The following ST8SIA6 variants were observed in gnomAD, a reference collection of about 807,000 sequenced individuals.
ST8SIA6 encodes alpha-2,8-sialyltransferase 8F.
In ST8SIA6, 39 loss-of-function variants were observed where a neutral mutation model predicts 33.6. The ratio of observed to expected loss-of-function variants is 1.16; its 90% CI spans 0.90 to 1.52. ST8SIA6 has a LOEUF of 1.52. ST8SIA6 is among the 40% of genes most tolerant of loss of function. ST8SIA6 has a pLI of 0.00. For synonymous variants in ST8SIA6, 172 were observed against 167.2 expected, an observed-to-expected ratio of 1.03 and a Z score of -0.22; for missense variants, 441 against 443.8, an observed-to-expected ratio of 0.99 and a Z score of 0.06.
rs142395296 is a variant in ST8SIA6, at chr10:17,338,257, C to T, written c.378-6705G>A. Among the ~76,000 whole-genome samples, 141 of 152,302 alleles carry T rather than the reference C, an allele frequency of 9.3e-4. No individual in the cohort carries two copies. In the East Asian group the frequency reaches 0.023, roughly 25 times the overall value. On this transcript the variant is annotated intron_variant, in intron 4 of 7. Coordinates refer to ENST00000377602, the MANE Select transcript of ST8SIA6 (RefSeq NM_001004470.3). Reference sequence around the variant, plus strand: ...CCATGTTGGTCAGGCTGGTCTTGAACTCCCGACCTCAGTGATCCGCTCGCC... The same window carrying T: ...CCATGTTGGTCAGGCTGGTCTTGAATTCCCGACCTCAGTGATCCGCTCGCC...
intron 3 of ST8SIA6, among the ~76,000 whole-genome samples, chr10:17,364,063 T>G (rs61842071): frequency 0.22 from 27,498 of 123,012 alleles, 2,625 homozygotes; most frequent in South Asian, 0.28. Context: ...TACCAAAATT[T>G]TGTGCAAATG....
rs539536147 is a variant in ST8SIA6, at chr10:17,334,297, T to C, written c.378-2745A>G. ...GCTCACGCCTGTAATCCCAGCACTT[T>C]GGGAGGCCGAGGCGGGCGGATCACG... On this transcript the variant is annotated intron_variant, in intron 4 of 7. Transcript: ENST00000377602. Among the ~76,000 whole-genome samples, 4 of 151,610 alleles carry C rather than the reference T, an allele frequency of 2.6e-5. No individual in the cohort carries two copies. In the South Asian group the frequency reaches 6.3e-4, roughly 24 times the overall value.
chr10:17,401,088 G>A (rs1343510247), intron 2 of ST8SIA6, among the ~76,000 whole-genome samples: 3 of 152,048 alleles, frequency 2.0e-5, no homozygotes, highest in Non-Finnish European at 2.9e-5. Context: ...AAAGTCTCAG[G>A]ATACAAAATC....
chr10:17,453,456 C>T, intron 2 of ST8SIA6, 103 bp downstream of exon 2: 1 of 909,014 alleles, frequency 1.1e-6, no homozygotes, highest in Non-Finnish European at 1.5e-6. Flanking sequence ...CTCGCGCCGT[C>T]CCAGCCTGCC....
At chr10:17,440,877 C>T (rs1852463527) in intron 2 of ST8SIA6, among the ~76,000 whole-genome samples, 2 of 152,150 alleles carry the variant, frequency 1.3e-5, no homozygotes, top group African/African-American at 4.8e-5. Flanking sequence ...AACATTTTGT[C>T]ACATGCTTAT....
At chr10:17,445,592 C>G (rs182819829) in intron 2 of ST8SIA6, among the ~76,000 whole-genome samples, 1 of 152,336 alleles carries the variant, frequency 6.6e-6, no homozygotes, top group Non-Finnish European at 1.5e-5. Context: ...TTCTCCCACA[C>G]AGGAAGGGAT....
chr10:17,334,551 A>AATTATT (rs139518760), intron 4 of ST8SIA6, among the ~76,000 whole-genome samples: 66,741 of 142,326 alleles, frequency 0.47, 16,173 homozygotes, highest in East Asian at 0.86. Context: ...AAAAAAAAAA[A>AATTATT]ATTATTATTA....
chr10:17,423,181 A>C (rs2131710200), intron 2 of ST8SIA6, among the ~76,000 whole-genome samples: 1 of 152,354 alleles, frequency 6.6e-6, no homozygotes, highest in East Asian at 1.9e-4. Flanking sequence ...CACCAGAAAC[A>C]GCAGCTATCC....
intron 2 of ST8SIA6, among the ~76,000 whole-genome samples, chr10:17,416,180 C>T (rs1851602561): frequency 1.3e-5 from 2 of 152,098 alleles, no homozygotes; most frequent in African/African-American, 4.8e-5. Flanking sequence ...AACCACATCA[C>T]ACTCTCCTGG....
chr10:17,322,170 G>A (rs1367172817), intron 7 of ST8SIA6, among the ~76,000 whole-genome samples: 7 of 142,052 alleles, frequency 4.9e-5, no homozygotes, highest in Non-Finnish European at 9.2e-5. Flanking sequence ...AGAGAAAGAC[G>A]GAAGAAAGAA....
At chr10:17,398,994 C>T (rs1336427852) in intron 2 of ST8SIA6, 2 of 152,190 alleles carry the variant, frequency 1.3e-5, no homozygotes, top group Non-Finnish European at 2.9e-5. Flanking sequence ...TCGTAGTCTA[C>T]TGCATGGTTT....
chr10:17,337,110 G>A (rs184121840), intron 4 of ST8SIA6, among the ~76,000 whole-genome samples: 1 of 151,710 alleles, frequency 6.6e-6, no homozygotes, highest in Admixed American at 6.6e-5. Context: ...GAGTTCTCAC[G>A]AGATCTGGTT....
At chr10:17,360,952 A>AAGG (rs1233266628) in intron 3 of ST8SIA6, among the ~76,000 whole-genome samples, 5 of 151,140 alleles carry the variant, frequency 3.3e-5, no homozygotes, top group Middle Eastern at 3.4e-3. Context: ...GAAGAAGAAG[A>AAGG]AGGAGGAGGA....
Position 17,318,704 on chromosome 10 carries a change from G to T in ST8SIA6, c.*2174C>A, listed in dbSNP as rs1427389274. Reference sequence around the variant, plus strand: ...TGGCGAATCTACAAATCTACAAGATGGAGTTTATAGTTTTTCTTTTTGTTT... The same window carrying T: ...TGGCGAATCTACAAATCTACAAGATTGAGTTTATAGTTTTTCTTTTTGTTT... On this transcript the variant is annotated 3_prime_UTR_variant, in exon 8 of 8. Coordinates refer to ENST00000377602, the MANE Select transcript of ST8SIA6 (RefSeq NM_001004470.3). 1 of 470,976 alleles carries T rather than the reference G, an allele frequency of 2.1e-6. No homozygotes were observed. The highest frequency in any genetic ancestry group is 2.0e-5 in the African/African-American group (1 of 50,066). 29.2% of individuals were successfully genotyped at this position (470,976 alleles called of 1,614,324 possible). A position where few individuals can be genotyped will look rare whatever the true frequency, so the allele number is the denominator to read the frequency against.
intron 3 of ST8SIA6, among the ~76,000 whole-genome samples, chr10:17,364,742 T>G (rs563645994): frequency 2.0e-5 from 3 of 152,326 alleles, no homozygotes; most frequent in South Asian, 2.1e-4. Context: ...GTGGGCCAAG[T>G]TGGGGATAGG....
At chr10:17,364,953 C>T (rs1323344078) in intron 3 of ST8SIA6, among the ~76,000 whole-genome samples, 1 of 152,182 alleles carries the variant, frequency 6.6e-6, no homozygotes, top group East Asian at 1.9e-4. Flanking sequence ...ACAGCTTGCT[C>T]AATATTGCCT....
chr10:17,423,372 G>A (rs984362686), intron 2 of ST8SIA6, among the ~76,000 whole-genome samples: 1 of 152,098 alleles, frequency 6.6e-6, no homozygotes. Context: ...TTCATTTCCT[G>A]CACATAACTT....
In ST8SIA6 at chr10:17,407,398, T is replaced by C. The variant is rs185165848; in HGVS notation, c.201-16778A>G. ...GGGCCAAAACTCCACCCTCAGATCA[T>C]GTTAACACTGCTATTTTCTGACCAT... On this transcript the variant is annotated intron_variant, in intron 2 of 7. Transcript: ENST00000377602. 9.9e-5 allele frequency among the ~76,000 whole-genome samples: 15 copies of C among 152,280 alleles called. No homozygotes were observed. In the East Asian group the frequency reaches 1.7e-3, roughly 18 times the overall value.
chr10:17,436,961 C>G (rs1278247121), intron 2 of ST8SIA6, among the ~76,000 whole-genome samples: 2 of 152,176 alleles, frequency 1.3e-5, no homozygotes, highest in African/African-American at 2.4e-5. Context: ...AAACTTCTTT[C>G]TTTTGTAAAT....
Sources: allele counts gnomAD v4.1 joint callset (sites outside exome capture counted in the v4.1 genomes callset), GRCh38; gene constraint gnomAD v4.1.1; transcripts MANE v1.5; gene names NCBI Gene and HGNC (gene_info 2026-07-23, HGNC 2026-07-21).